The following KCNQ5 variants were observed in gnomAD, a reference collection of about 807,000 sequenced individuals.
KCNQ5 encodes potassium voltage-gated channel subfamily KQT member 5.
A neutral mutation model predicts 98.2 loss-of-function variants in KCNQ5; 30 were observed. The observed-to-expected ratio is 0.31, with a 90% CI of 0.23 to 0.41. The LOEUF is 0.41. Among genes scored for constraint, KCNQ5 ranks in the 10% least tolerant of loss-of-function variants. KCNQ5 has a pLI of 1.00. For synonymous variants in KCNQ5, 458 were observed against 449.4 expected (o/e 1.02, Z -0.24); for missense variants, 835 against 1,182.5 (o/e 0.71, Z 4.31).
At chr6:73,091,146 A>C (rs1774229540) in intron 5 of KCNQ5, among the ~76,000 whole-genome samples, 1 of 152,210 alleles carries the variant, frequency 6.6e-6, no homozygotes, top group Non-Finnish European at 1.5e-5. Context: ...ACAGCCATAA[A>C]AAAGGATGAG....
At chr6:72,803,361 A>G (rs1183865403) in intron 1 of KCNQ5, among the ~76,000 whole-genome samples, 2 of 152,180 alleles carry the variant, frequency 1.3e-5, no homozygotes, top group African/African-American at 4.8e-5. Flanking sequence ...CTAACTACTA[A>G]GAGCCATGCC....
intron 1 of KCNQ5, among the ~76,000 whole-genome samples, chr6:72,922,965 C>T (rs1427328726): frequency 1.3e-5 from 2 of 151,906 alleles, no homozygotes; most frequent in Non-Finnish European, 2.9e-5. Flanking sequence ...GCACCCACCA[C>T]CACTCCTGGC....
At position 73,128,151 on chromosome 6, in the gene KCNQ5, C is replaced by G. The variant is rs988940695; in HGVS notation, c.1247+3639C>G. 3.9e-5 allele frequency among the ~76,000 whole-genome samples: 6 copies of G among 152,178 alleles called. No homozygotes were observed. The East Asian group carries it at 1.2e-3, about 29-fold the overall frequency. On this transcript the variant is annotated intron_variant, in intron 9 of 13. Transcript: ENST00000370398. ...GCTCAACTGAGCAATAGTGAAAATACTGTTTCATCAGTTCTTTTTGGTACA... is the reference window on the plus strand; with the variant it reads ...GCTCAACTGAGCAATAGTGAAAATAGTGTTTCATCAGTTCTTTTTGGTACA...
intron 1 of KCNQ5, among the ~76,000 whole-genome samples, chr6:72,783,070 AG>A (rs1773568486): frequency 6.6e-6 from 1 of 152,322 alleles, no homozygotes; most frequent in East Asian, 1.9e-4. Flanking sequence ...GGAAGGAGTT[AG>A]CTTCAAGTCT....
intron 12 of KCNQ5, among the ~76,000 whole-genome samples, chr6:73,191,251 T>C (rs1248710141): frequency 6.6e-6 from 1 of 151,990 alleles, no homozygotes; most frequent in Non-Finnish European, 1.5e-5. Flanking sequence ...AATCTCGGTG[T>C]GCTGGGCCAA....
At chr6:72,764,071 A>C (rs12193344) in intron 1 of KCNQ5, among the ~76,000 whole-genome samples, 1 of 151,750 alleles carries the variant, frequency 6.6e-6, no homozygotes, top group Admixed American at 6.6e-5. Flanking sequence ...TACCAAGAAT[A>C]AGGAAAGAAA....
chr6:72,951,482 C>G (rs1030127093), intron 1 of KCNQ5, among the ~76,000 whole-genome samples: 1 of 146,802 alleles, frequency 6.8e-6, no homozygotes. Flanking sequence ...AGAGGTTTCA[C>G]CCTGTTGGCC....
intron 9 of KCNQ5, among the ~76,000 whole-genome samples, chr6:73,133,130 T>TA (rs1162822763): frequency 6.6e-6 from 1 of 152,194 alleles, no homozygotes; most frequent in Non-Finnish European, 1.5e-5. Flanking sequence ...AAACAGTTCT[T>TA]AGTTATCTAC....
At chr6:72,769,313 G>A (rs1772739189) in intron 1 of KCNQ5, among the ~76,000 whole-genome samples, 1 of 151,980 alleles carries the variant, frequency 6.6e-6, no homozygotes, top group African/African-American at 2.4e-5. Flanking sequence ...TACTTTTAAG[G>A]TAACAGCTAT....
chr6:72,723,564 A>T (rs1448470601), intron 1 of KCNQ5, among the ~76,000 whole-genome samples: 1 of 152,210 alleles, frequency 6.6e-6, no homozygotes, highest in Non-Finnish European at 1.5e-5. Flanking sequence ...AGCAATGCTC[A>T]TGCTATGAAT....
Position 73,120,592 on chromosome 6 carries a change from G to T in KCNQ5, c.1220+15G>T. The T allele has an allele frequency of 1.9e-6, 3 of 1,552,126 alleles. No homozygotes were observed. Among genetic ancestry groups the T allele is most frequent in the Non-Finnish European group, 2.7e-6 (3 of 1,127,604 alleles). On this transcript the variant is annotated intron_variant, in intron 8 of 13. Coordinates refer to ENST00000370398, the MANE Select transcript of KCNQ5 (RefSeq NM_019842.4). ...AGCCCTACCAAGTAGGTATCAGTGTGACAGCTGCCACTGTAGTTGAGTCTT... is the reference window on the plus strand; with the variant it reads ...AGCCCTACCAAGTAGGTATCAGTGTTACAGCTGCCACTGTAGTTGAGTCTT...
chr6:72,716,461 T>C (rs956488936), intron 1 of KCNQ5, among the ~76,000 whole-genome samples: 4 of 152,254 alleles, frequency 2.6e-5, no homozygotes, highest in Admixed American at 1.3e-4. Flanking sequence ...CTTAGCTGAA[T>C]ATTCATTTGG....
chr6:72,640,657 G>T (rs2098926735), intron 1 of KCNQ5: 1 of 152,136 alleles, frequency 6.6e-6, no homozygotes, highest in African/African-American at 2.4e-5. Context: ...AGGAACTACT[G>T]CTTTGACACA....
chr6:72,770,787 TAAGGATTCCA>T (rs1295697421), intron 1 of KCNQ5, among the ~76,000 whole-genome samples: 10 of 152,150 alleles, frequency 6.6e-5, no homozygotes, highest in African/African-American at 2.4e-4. Context: ...TAAAACTACT[TAAGGATTCCA>T]TTGTGTATAC....
At chr6:72,726,488 C>G (rs1770287397) in intron 1 of KCNQ5, among the ~76,000 whole-genome samples, 2 of 152,140 alleles carry the variant, frequency 1.3e-5, no homozygotes, top group Admixed American at 1.3e-4. Flanking sequence ...GCTAGGATTA[C>G]AGGCGTAAGC....
rs61202040 is a variant in KCNQ5 at position 72,705,599 on chromosome 6, T to TG, written c.398+83012_398+83013insG. On this transcript the variant is annotated intron_variant, in intron 1 of 13. Transcript: ENST00000370398. ...TTTTGTTGTTGTTTTTGTTTTTTTT[T>TG]TTGTTGTTGTTGTTTTGCTAAAGCA... Among the ~76,000 whole-genome samples, 67 of 151,338 alleles carry TG rather than the reference T, an allele frequency of 4.4e-4. 1 individual carries two copies. Among genetic ancestry groups the TG allele is most frequent in the Admixed American group, 1.1e-3 (16 of 15,216 alleles).
At chr6:72,713,279 G>C (rs1225132800) in intron 1 of KCNQ5, among the ~76,000 whole-genome samples, 1 of 152,098 alleles carries the variant, frequency 6.6e-6, no homozygotes, top group Admixed American at 6.6e-5. Context: ...TCCCAAACGT[G>C]ACTCTTTCCT....
intron 1 of KCNQ5, among the ~76,000 whole-genome samples, chr6:72,928,881 A>G (rs73753208): frequency 0.015 from 2,275 of 152,220 alleles, 54 homozygotes; most frequent in African/African-American, 0.051. Context: ...TCAACCACCC[A>G]GGATTTATTA....
chr6:73,025,433 C>T (rs1451111599), intron 2 of KCNQ5, among the ~76,000 whole-genome samples: 3 of 151,976 alleles, frequency 2.0e-5, no homozygotes, highest in Admixed American at 1.3e-4. Context: ...AAAAGCCTGC[C>T]TAACATGGCG....
Sources: allele counts gnomAD v4.1 joint callset (sites outside exome capture counted in the v4.1 genomes callset), GRCh38; gene constraint gnomAD v4.1.1; transcripts MANE v1.5; gene names NCBI Gene and HGNC (gene_info 2026-07-23, HGNC 2026-07-21).